SHROOM3: variants seen among roughly 807,000 people sequenced by gnomAD.
SHROOM3 encodes the protein shroom family member 3.
SHROOM3 carries 47 observed loss-of-function variants against 138.6 expected under a neutral mutation model. The ratio of observed to expected loss-of-function variants is 0.34; its 90% CI spans 0.27 to 0.43. The LOEUF is 0.43. SHROOM3 is among the 20% of genes least tolerant of loss of function. The pLI is 1.00. For missense variants in SHROOM3, 2,491 were observed against 2,596.5 expected, an observed-to-expected ratio of 0.96 and a Z score of 0.88; for synonymous variants, 1,062 against 1,063.3, an observed-to-expected ratio of 1.00 and a Z score of 0.02.
At chr4:76,633,332 C>CAAA (rs56002974) in intron 2 of SHROOM3, among the ~76,000 whole-genome samples, 22 of 83,814 alleles carry the variant, frequency 2.6e-4, no homozygotes, top group East Asian at 6.4e-4. Flanking sequence ...GACTCAGTCT[C>CAAA]AAAAAAAAAA....
intron 6 of SHROOM3, among the ~76,000 whole-genome samples, chr4:76,754,107 C>T (rs1269020513): frequency 1.3e-5 from 2 of 152,246 alleles, no homozygotes; most frequent in South Asian, 2.1e-4. Context: ...GTGACATTTT[C>T]CTGTAGGAAT....
At chr4:76,591,740 G>A (rs557384425) in intron 2 of SHROOM3, among the ~76,000 whole-genome samples, 1 of 151,240 alleles carries the variant, frequency 6.6e-6, no homozygotes, top group Non-Finnish European at 1.5e-5. Flanking sequence ...CTGAAACACA[G>A]GTTCCTAATG....
intron 1 of SHROOM3, among the ~76,000 whole-genome samples, chr4:76,541,625 G>GCACA (rs149127524): frequency 0.027 from 4,074 of 148,622 alleles, 90 homozygotes; most frequent in Non-Finnish European, 0.042. Context: ...ATATGTGGGC[G>GCACA]CACACACACA....
chr4:76,752,873 A>G (rs939774465), intron 6 of SHROOM3, among the ~76,000 whole-genome samples: 15 of 152,210 alleles, frequency 9.9e-5, no homozygotes, highest in Non-Finnish European at 2.1e-4. Context: ...TCAAGATATA[A>G]TAAATAAAAT....
At chr4:76,756,413 CTCTCTTT>C in intron 7 of SHROOM3, 29 bp from the exon 8 acceptor site, 1 of 1,513,156 alleles carries the variant, frequency 6.6e-7, no homozygotes, top group Non-Finnish European at 9.0e-7. Flanking sequence ...CTTTCTCTCT[CTCTCTTT>C]TTTTTTTTTT....
At chr4:76,645,385 T>A (rs1298115735) in intron 2 of SHROOM3, 1 of 152,166 alleles carries the variant, frequency 6.6e-6, no homozygotes, top group African/African-American at 2.4e-5. Flanking sequence ...TCATTTAGTG[T>A]CTCTACTGCT....
intron 6 of SHROOM3, among the ~76,000 whole-genome samples, chr4:76,750,444 C>T (rs1245792062): frequency 6.6e-6 from 1 of 152,008 alleles, no homozygotes; most frequent in African/African-American, 2.4e-5. Context: ...TTCTCACTTA[C>T]AAGTGGAAGC....
chr4:76,499,765 G>A (rs371840925), intron 1 of SHROOM3, among the ~76,000 whole-genome samples: 14 of 152,266 alleles, frequency 9.2e-5, no homozygotes, highest in African/African-American at 3.4e-4. Context: ...TAACATTCGA[G>A]AGGTTTTTAG....
In SHROOM3 at chr4:76,741,936, A is replaced by T. The variant is rs1447158475; in HGVS notation, c.3753+10A>T. 1 of 1,611,280 alleles carries T rather than the reference A, an allele frequency of 6.2e-7. No individual in the cohort carries two copies. The highest frequency in any genetic ancestry group is 1.3e-5 in the African/African-American group (1 of 74,854). ...CGCAGACAAGCGCCAGGTACGTGCA[A>T]CCAGCAAGTCCTGGCCTCGAACTGT... On this transcript the variant is annotated intron_variant, in intron 5 of 10. Coordinates refer to ENST00000296043, the MANE Select transcript of SHROOM3 (RefSeq NM_020859.4). This position sits in a 1 kb window ranked among gnomAD's most constrained non-coding sequence, Gnocchi z 6.2.
chr4:76,744,228 C>G (rs558291321), intron 5 of SHROOM3, among the ~76,000 whole-genome samples: 51 of 152,256 alleles, frequency 3.3e-4, no homozygotes, highest in African/African-American at 1.2e-3. Context: ...TACTTGGGCA[C>G]CCTTTTCATA....
chr4:76,504,117 T>C (rs1732154847), intron 1 of SHROOM3, among the ~76,000 whole-genome samples: 1 of 152,188 alleles, frequency 6.6e-6, no homozygotes, highest in Non-Finnish European at 1.5e-5. Context: ...ATAAATGTTT[T>C]GTACAGTCCC....
rs114396976 is a variant in SHROOM3, at chr4:76,722,328, G to A, written c.456-8476G>A. On this transcript the variant is annotated intron_variant, in intron 3 of 10. Coordinates refer to ENST00000296043, the MANE Select transcript of SHROOM3 (RefSeq NM_020859.4). ...ATACACCATGGAATACTATGCAGCC[G>A]TAAAAAAGAATGAGATAATGTCTTT... 3.8e-3 allele frequency among the ~76,000 whole-genome samples: 579 copies of A among 152,220 alleles called. 1 individual carries two copies. Among genetic ancestry groups the A allele is most frequent in the African/African-American group, 5.3e-3 (218 of 41,520 alleles).
chr4:76,669,804 GA>G (rs1185552971), intron 2 of SHROOM3, among the ~76,000 whole-genome samples: 1 of 152,294 alleles, frequency 6.6e-6, no homozygotes, highest in Admixed American at 6.5e-5. Context: ...TATGCCTGAG[GA>G]ATGCATCTTA....
At chr4:76,628,230 G>A (rs367766876) in intron 2 of SHROOM3, among the ~76,000 whole-genome samples, 4 of 152,214 alleles carry the variant, frequency 2.6e-5, no homozygotes, top group Admixed American at 6.5e-5. Flanking sequence ...TAGATCTTAC[G>A]TTAGAATGAT....
intron 4 of SHROOM3, among the ~76,000 whole-genome samples, chr4:76,736,742 G>A (rs1721083088): frequency 6.6e-6 from 1 of 152,098 alleles, no homozygotes; most frequent in East Asian, 1.9e-4. Flanking sequence ...CCCCGTGTGT[G>A]TATATATATA....
rs748270346 is a variant in SHROOM3, at chr4:76,741,910, C to T, written c.3737C>T (p.Thr1246Ile). ...VHVRSRSSPA[T>I]ADKRQDVLLG... is the part of the protein sequence containing the mutation. ...GTGAGGTCCAGGTCATCTCCCGCCA[C>T]CGCAGACAAGCGCCAGGTACGTGCA... The change falls in exon 5 of 11, where the codon ACC (threonine) becomes ATC (isoleucine). Residue 1246 changes from threonine to isoleucine, a missense_variant. Physicochemically the swap from Thr to Ile is moderately conservative, Grantham distance 89. Transcript: ENST00000296043. The surrounding 1 kb of genome is among the most constrained non-coding windows in gnomAD (Gnocchi z 6.2). 1 of 1,612,464 alleles carries T rather than the reference C, an allele frequency of 6.2e-7. No homozygotes were observed. Among genetic ancestry groups the T allele is most frequent in the Admixed American group, 1.7e-5 (1 of 60,012 alleles).
At chr4:76,513,381 T>C (rs146938299) in intron 1 of SHROOM3, among the ~76,000 whole-genome samples, 1 of 152,118 alleles carries the variant, frequency 6.6e-6, no homozygotes, top group Admixed American at 6.5e-5. Flanking sequence ...CAGCATGATA[T>C]TGGCTCACTG....
intron 8 of SHROOM3, chr4:76,757,168 A>AT: frequency 1.8e-6 from 1 of 552,268 alleles, no homozygotes; most frequent in Non-Finnish European, 3.2e-6. Context: ...ATTAGTACCC[A>AT]TTGTTAACGT....
intron 2 of SHROOM3, among the ~76,000 whole-genome samples, chr4:76,619,992 AG>A (rs1411147066): frequency 7.3e-6 from 1 of 137,258 alleles, no homozygotes; most frequent in African/African-American, 2.7e-5. Context: ...AACCTGGTGG[AG>A]GGGAGAGGCA....
Sources: allele counts gnomAD v4.1 joint callset (sites outside exome capture counted in the v4.1 genomes callset), GRCh38; gene constraint gnomAD v4.1.1; non-coding constraint Gnocchi (gnomAD v3.1); transcripts MANE v1.5; gene names NCBI Gene and HGNC (gene_info 2026-07-23, HGNC 2026-07-21).